The following PLCB4 variants were observed in gnomAD, a reference collection of about 807,000 sequenced individuals.
The protein encoded by PLCB4 is 1-phosphatidylinositol 4,5-bisphosphate phosphodiesterase beta-4.
In PLCB4, 77 loss-of-function variants were observed where a neutral mutation model predicts 178.8. That is an observed-to-expected ratio of 0.43 (90% CI 0.36 to 0.52). The LOEUF (loss-of-function observed/expected upper bound fraction) is 0.52. Among genes scored for constraint, PLCB4 ranks in the 20% least tolerant of loss-of-function variants. PLCB4 has a pLI of 0.00. For missense variants in PLCB4, 1,024 were observed against 1,453.4 expected, an observed-to-expected ratio of 0.70 and a Z score of 4.80; for synonymous variants, 496 against 490.8, an observed-to-expected ratio of 1.01 and a Z score of -0.14.
intron 2 of PLCB4, among the ~76,000 whole-genome samples, chr20:9,171,915 A>G (rs1267363001): frequency 6.6e-6 from 1 of 152,178 alleles, no homozygotes; most frequent in Non-Finnish European, 1.5e-5. Flanking sequence ...GTGCTTGCAG[A>G]GGCCACTGTC....
chr20:9,359,475 T>C (rs1056318018), intron 7 of PLCB4, among the ~76,000 whole-genome samples: 43 of 152,072 alleles, frequency 2.8e-4, no homozygotes, highest in African/African-American at 1.0e-3. Flanking sequence ...AACTTAGGAA[T>C]GGTTAGAAAA....
intron 19 of PLCB4, among the ~76,000 whole-genome samples, 181 bp downstream of exon 19, chr20:9,395,799 C>T (rs1426324637): frequency 6.6e-6 from 1 of 152,010 alleles, no homozygotes; most frequent in Non-Finnish European, 1.5e-5. Context: ...GAGATGAGAC[C>T]CCATGTCTAC....
chr20:9,128,267 TC>T (rs2092179511), intron 2 of PLCB4, among the ~76,000 whole-genome samples: 1 of 152,128 alleles, frequency 6.6e-6, no homozygotes, highest in African/African-American at 2.4e-5. Flanking sequence ...ATTGTAAACT[TC>T]CCGAGGCCCT....
chr20:9,131,339 A>G (rs966112723), intron 2 of PLCB4, among the ~76,000 whole-genome samples: 2 of 151,802 alleles, frequency 1.3e-5, no homozygotes, highest in Admixed American at 6.6e-5. Flanking sequence ...GAAACAAAAT[A>G]TTAAGCTAAA....
intron 20 of PLCB4, 44 bp downstream of exon 20, chr20:9,401,634 G>A (rs780092853): frequency 7.5e-7 from 1 of 1,325,492 alleles, no homozygotes; most frequent in South Asian, 1.2e-5. Flanking sequence ...GGTAGCAGCT[G>A]TTATTTATGA....
chr20:9,470,933 A>G (rs1603078224), intron 36 of PLCB4, among the ~76,000 whole-genome samples: 1 of 152,222 alleles, frequency 6.6e-6, no homozygotes, highest in East Asian at 1.9e-4. Context: ...AATGATAGTT[A>G]TATTCTAAAC....
At chr20:9,295,239 T>G (rs1284244666) in intron 3 of PLCB4, among the ~76,000 whole-genome samples, 1 of 152,170 alleles carries the variant, frequency 6.6e-6, no homozygotes, top group African/African-American at 2.4e-5. Context: ...GAACTCTCCC[T>G]GAAAATTGTT....
intron 3 of PLCB4, among the ~76,000 whole-genome samples, chr20:9,289,450 T>G (rs368799986): frequency 1.6e-4 from 24 of 152,042 alleles, no homozygotes; most frequent in South Asian, 8.3e-4. Flanking sequence ...TTATTCGGGT[T>G]TTTTTTGGAT....
rs577169723 is a variant in PLCB4 at position 9,354,326 on chromosome 20, T to A, written c.370-8570T>A. Among the ~76,000 whole-genome samples, 3 of 152,362 alleles carry A rather than the reference T, an allele frequency of 2.0e-5. No homozygotes were observed. The East Asian group carries it at 5.8e-4, about 29-fold the overall frequency. ...AAGATCAATCATTATATATAAATTA[T>A]AGCTCAATAAAATTAATTCAAAATA... On this transcript the variant is annotated intron_variant, in intron 7 of 39. Transcript: ENST00000378473.
At chr20:9,097,942 C>T (rs2090981163) in intron 2 of PLCB4, among the ~76,000 whole-genome samples, 1 of 152,050 alleles carries the variant, frequency 6.6e-6, no homozygotes, top group Non-Finnish European at 1.5e-5. Context: ...TAAATAGAGC[C>T]ACCCGTGTAA....
chr20:9,437,252 TGTGGG>T, intron 30 of PLCB4, 100 bp downstream of exon 30: 1 of 1,105,098 alleles, frequency 9.0e-7, no homozygotes, highest in Non-Finnish European at 1.3e-6. Flanking sequence ...CGAAGTTCTT[TGTGGG>T]AAAGAACCTT....
At chr20:9,450,275 G>A (rs574293969) in intron 32 of PLCB4, among the ~76,000 whole-genome samples, 23 of 152,210 alleles carry the variant, frequency 1.5e-4, no homozygotes, top group African/African-American at 5.5e-4. Context: ...TTTAAGCTAA[G>A]ATGGACTTAG....
At chr20:9,179,706 C>G (rs1292473642) in intron 2 of PLCB4, among the ~76,000 whole-genome samples, 3 of 152,146 alleles carry the variant, frequency 2.0e-5, no homozygotes, top group African/African-American at 7.2e-5. Flanking sequence ...GCATTTTAGC[C>G]TCTTTGAGTA....
chr20:9,243,603 A>C (rs1233165463), intron 3 of PLCB4, among the ~76,000 whole-genome samples: 2 of 152,210 alleles, frequency 1.3e-5, no homozygotes, highest in Admixed American at 1.3e-4. Flanking sequence ...AATTTTTTGC[A>C]TCCTTCTTTT....
intron 2 of PLCB4, among the ~76,000 whole-genome samples, chr20:9,110,713 C>T (rs371655408): frequency 7.2e-5 from 11 of 152,276 alleles, no homozygotes; most frequent in Middle Eastern, 3.4e-3. Flanking sequence ...TTCTCCTTTT[C>T]TCCAACTTAG....
intron 3 of PLCB4, among the ~76,000 whole-genome samples, chr20:9,231,419 G>A (rs2093930677): frequency 1.3e-5 from 2 of 152,078 alleles, no homozygotes; most frequent in African/African-American, 4.8e-5. Flanking sequence ...AGATTATGCT[G>A]CATATAAACC....
intron 3 of PLCB4, among the ~76,000 whole-genome samples, chr20:9,301,703 ACT>A (rs753190632): frequency 6.6e-5 from 10 of 151,834 alleles, no homozygotes; most frequent in Non-Finnish European, 1.5e-4. Context: ...GTTCCTCCTA[ACT>A]CTGCCAGTTT....
At chr20:9,097,302 T>C (rs1425077220) in intron 2 of PLCB4, among the ~76,000 whole-genome samples, 1 of 148,894 alleles carries the variant, frequency 6.7e-6, no homozygotes, top group East Asian at 2.1e-4. Flanking sequence ...GGCTCTCCTG[T>C]TCTGAAAGGT....
chr20:9,346,676 G>A (rs1015934058), intron 7 of PLCB4, among the ~76,000 whole-genome samples: 1 of 152,100 alleles, frequency 6.6e-6, no homozygotes, highest in African/African-American at 2.4e-5. Context: ...AAATCAATGA[G>A]GGGGGGCATT....
Sources: allele counts gnomAD v4.1 joint callset (sites outside exome capture counted in the v4.1 genomes callset), GRCh38; gene constraint gnomAD v4.1.1; transcripts MANE v1.5; gene names NCBI Gene and HGNC (gene_info 2026-07-23, HGNC 2026-07-21).